ADARB2: variants seen among roughly 807,000 people sequenced by gnomAD.
The protein encoded by ADARB2 is adenosine deaminase RNA specific B2 (inactive).
In ADARB2, 25 loss-of-function variants were observed where a neutral mutation model predicts 62.2. That is an observed-to-expected ratio of 0.40 (90% CI 0.29 to 0.56). The LOEUF (loss-of-function observed/expected upper bound fraction) is 0.56. Among genes scored for constraint, ADARB2 ranks in the 20% least tolerant of loss-of-function variants. The pLI is 0.43. For synonymous variants in ADARB2, 572 were observed against 500.8 expected, an observed-to-expected ratio of 1.14 and a Z score of -1.90; for missense variants, 1,071 against 1,077.4, an observed-to-expected ratio of 0.99 and a Z score of 0.08.
intron 3 of ADARB2, among the ~76,000 whole-genome samples, chr10:1,318,139 TC>T (rs1831757593): frequency 6.6e-6 from 1 of 152,208 alleles, no homozygotes; most frequent in African/African-American, 2.4e-5. Context: ...CACTGTAAAA[TC>T]TATGTCAGTT....
intron 4 of ADARB2, 130 bp downstream of exon 4, chr10:1,270,825 A>G (rs965419112): frequency 1.3e-6 from 1 of 763,106 alleles, no homozygotes; most frequent in Non-Finnish European, 2.2e-6. Flanking sequence ...TGTATATGCT[A>G]TAATATTTTG....
Position 1,426,128 on chromosome 10 carries a change from CAT to C in ADARB2, c.101-46970_101-46969del, listed in dbSNP as rs1217726120. On this transcript the variant is annotated intron_variant, in intron 1 of 9. Transcript: ENST00000381312. This position sits in a 1 kb window ranked among gnomAD's most constrained non-coding sequence, Gnocchi z 4.1. Reference sequence around the variant, plus strand: ...TGATCTATAATGACACAACAAAACTCATATAGAGAAGGGGAATCAAGATCTGA... The same window carrying C: ...TGATCTATAATGACACAACAAAACTCATAGAGAAGGGGAATCAAGATCTGA... 1.3e-5 allele frequency among the ~76,000 whole-genome samples: 2 copies of C among 152,142 alleles called. No homozygotes were observed. The highest frequency in any genetic ancestry group is 2.9e-5 in the Non-Finnish European group (2 of 68,030).
intron 1 of ADARB2, among the ~76,000 whole-genome samples, chr10:1,629,885 C>T (rs780306010): frequency 8.5e-5 from 13 of 152,132 alleles, no homozygotes; most frequent in Middle Eastern, 3.4e-3. Flanking sequence ...AGACAGGGAG[C>T]GAGACACAGA....
At chr10:1,425,055 G>T (rs1208723608) in intron 1 of ADARB2, among the ~76,000 whole-genome samples, 1 of 152,312 alleles carries the variant, frequency 6.6e-6, no homozygotes, top group South Asian at 2.1e-4. Context: ...GGGTGCGTGC[G>T]TGGAAGCCTT....
chr10:1,435,348 T>G (rs1830823278), intron 1 of ADARB2, among the ~76,000 whole-genome samples: 2 of 152,240 alleles, frequency 1.3e-5, no homozygotes, highest in African/African-American at 4.8e-5. Context: ...TCAGTGTTAC[T>G]CCTGGTGGAG....
At chr10:1,615,991 C>A (rs1338675752) in intron 1 of ADARB2, among the ~76,000 whole-genome samples, 1 of 152,232 alleles carries the variant, frequency 6.6e-6, no homozygotes, top group Admixed American at 6.5e-5. Flanking sequence ...ATTCAGATCA[C>A]CCCACCTGTC....
chr10:1,637,484 T>C (rs759428515), intron 1 of ADARB2, among the ~76,000 whole-genome samples: 2 of 152,246 alleles, frequency 1.3e-5, no homozygotes, highest in Non-Finnish European at 2.9e-5. Context: ...GGTTTTTGTC[T>C]TAAATGATTA....
chr10:1,526,324 A>G (rs1409403044), intron 1 of ADARB2, among the ~76,000 whole-genome samples: 1 of 151,906 alleles, frequency 6.6e-6, no homozygotes, highest in Non-Finnish European at 1.5e-5. Flanking sequence ...GGAGGCAAGG[A>G]GCTGTCCAAC....
intron 3 of ADARB2, among the ~76,000 whole-genome samples, chr10:1,295,185 C>T (rs752249285): frequency 1.3e-5 from 2 of 152,124 alleles, no homozygotes; most frequent in Non-Finnish European, 2.9e-5. Flanking sequence ...CGACATATGA[C>T]GTTTGTCGCT....
intron 1 of ADARB2, among the ~76,000 whole-genome samples, chr10:1,411,375 G>A (rs1328472861): frequency 6.6e-6 from 1 of 152,210 alleles, no homozygotes; most frequent in Non-Finnish European, 1.5e-5. Flanking sequence ...AGCCCAGGGC[G>A]GGACCAGCCC....
intron 1 of ADARB2, among the ~76,000 whole-genome samples, chr10:1,384,809 C>T (rs2387661): frequency 0.43 from 65,700 of 151,968 alleles, 14,722 homozygotes; most frequent in Middle Eastern, 0.5. Flanking sequence ...GGTGGGGCCA[C>T]TGCTGGATTT....
intron 1 of ADARB2, among the ~76,000 whole-genome samples, chr10:1,519,595 G>A (rs1345870441): frequency 6.6e-6 from 1 of 152,046 alleles, no homozygotes; most frequent in African/African-American, 2.4e-5. Flanking sequence ...GGTGTGGAAC[G>A]GAGGTGTGGT....
At chr10:1,421,227 T>C (rs1252932046) in intron 1 of ADARB2, among the ~76,000 whole-genome samples, 2 of 151,876 alleles carry the variant, frequency 1.3e-5, no homozygotes. Flanking sequence ...GCACAGCCTG[T>C]GCACCTGCCC....
At chr10:1,310,788 C>T (rs1198442872) in intron 3 of ADARB2, among the ~76,000 whole-genome samples, 3 of 152,130 alleles carry the variant, frequency 2.0e-5, no homozygotes, top group Non-Finnish European at 4.4e-5. Context: ...CTCGTTTCCC[C>T]AAGGAAGAGG....
intron 1 of ADARB2, among the ~76,000 whole-genome samples, chr10:1,727,295 C>T (rs1207967701): frequency 6.6e-6 from 1 of 152,100 alleles, no homozygotes; most frequent in East Asian, 1.9e-4. Flanking sequence ...GCGGGGAGCC[C>T]CGCAGAGCAA....
chr10:1,496,367 A>T (rs574286504), intron 1 of ADARB2, among the ~76,000 whole-genome samples: 1 of 152,116 alleles, frequency 6.6e-6, no homozygotes, highest in African/African-American at 2.4e-5. Context: ...CATCAGCACC[A>T]CCATCATCGT....
chr10:1,383,449 C>T (rs1031534674), intron 1 of ADARB2, among the ~76,000 whole-genome samples: 2 of 150,422 alleles, frequency 1.3e-5, no homozygotes, highest in African/African-American at 2.4e-5. Context: ...AAAAAAAAAG[C>T]GATGGCTTAT....
At chr10:1,460,520 G>A (rs1360556780) in intron 1 of ADARB2, among the ~76,000 whole-genome samples, 1 of 82,836 alleles carries the variant, frequency 1.2e-5, no homozygotes, top group African/African-American at 6.1e-5. Flanking sequence ...GTTTACCTGC[G>A]TAACGAACCT....
chr10:1,538,695 G>A (rs1291896582), intron 1 of ADARB2, among the ~76,000 whole-genome samples: 4 of 152,222 alleles, frequency 2.6e-5, no homozygotes, highest in Non-Finnish European at 4.4e-5. Context: ...CAGGCATGCC[G>A]AGGGGCTCGA....
Sources: allele counts gnomAD v4.1 joint callset (sites outside exome capture counted in the v4.1 genomes callset), GRCh38; gene constraint gnomAD v4.1.1; non-coding constraint Gnocchi (gnomAD v3.1); transcripts MANE v1.5; gene names NCBI Gene and HGNC (gene_info 2026-07-23, HGNC 2026-07-21).